Variants in SGCZ observed in about 807,000 individuals in gnomAD.
SGCZ encodes the protein zeta-sarcoglycan.
Under a neutral mutation model 41.3 loss-of-function variants are expected in SGCZ, and 40 were observed. The observed-to-expected ratio is 0.97, with a 90% CI of 0.75 to 1.26. SGCZ has a LOEUF of 1.26. SGCZ is among the 50% of genes most tolerant of loss of function. SGCZ has a pLI of 0.00. For missense variants in SGCZ, 552 were observed against 369.8 expected (o/e 1.49, Z -4.04); for synonymous variants, 206 against 137.5 (o/e 1.50, Z -3.49).
intron 5 of SGCZ, among the ~76,000 whole-genome samples, chr8:14,112,705 G>A (rs567943308): frequency 6.6e-6 from 1 of 151,762 alleles, no homozygotes; most frequent in South Asian, 2.1e-4. Context: ...AAAGCCCTTT[G>A]GTTTTTATTT....
intron 7 of SGCZ, among the ~76,000 whole-genome samples, chr8:14,102,096 ATATATATAATT>A (rs1802044492): frequency 1.9e-5 from 2 of 107,256 alleles, no homozygotes; most frequent in Non-Finnish European, 3.6e-5. Flanking sequence ...ATATATATAT[ATATATATAATT>A]TTTTTTTTTT....
chr8:14,233,311 A>C (rs972380736), intron 4 of SGCZ, among the ~76,000 whole-genome samples: 4 of 151,902 alleles, frequency 2.6e-5, no homozygotes, highest in Non-Finnish European at 5.9e-5. Flanking sequence ...AATAACAGCC[A>C]TGCTGGCTAA....
At chr8:15,197,453 A>G (rs1299117933) in intron 1 of SGCZ, among the ~76,000 whole-genome samples, 1 of 152,214 alleles carries the variant, frequency 6.6e-6, no homozygotes, top group Non-Finnish European at 1.5e-5. Flanking sequence ...TCAAAGCATA[A>G]TATCATGAAA....
At chr8:14,690,562 A>T (rs1363631043) in intron 1 of SGCZ, 2 of 152,200 alleles carry the variant, frequency 1.3e-5, no homozygotes. Flanking sequence ...ACCAAGAATG[A>T]CACCATGAAA....
chr8:15,107,568 G>T (rs967261735), intron 1 of SGCZ, among the ~76,000 whole-genome samples: 3 of 152,174 alleles, frequency 2.0e-5, no homozygotes, highest in African/African-American at 7.2e-5. Context: ...ATCAGCATGA[G>T]GCCCTCACCA....
chr8:15,197,283 T>A (rs1403042840), intron 1 of SGCZ, among the ~76,000 whole-genome samples: 3 of 152,198 alleles, frequency 2.0e-5, no homozygotes, highest in East Asian at 1.9e-4. Context: ...TTTAAATTAG[T>A]GTCGACATTA....
chr8:14,983,511 T>C (rs1390950707), intron 1 of SGCZ, among the ~76,000 whole-genome samples: 1 of 151,800 alleles, frequency 6.6e-6, no homozygotes, highest in Non-Finnish European at 1.5e-5. Context: ...TCCAGAGTAG[T>C]ATTTCTTAAT....
intron 1 of SGCZ, among the ~76,000 whole-genome samples, chr8:14,826,752 A>G (rs1319556702): frequency 6.6e-6 from 1 of 152,128 alleles, no homozygotes; most frequent in Non-Finnish European, 1.5e-5. Flanking sequence ...GTGTCTGTTT[A>G]TATCCTTTGC....
chr8:15,142,394 T>C (rs1798914361), intron 1 of SGCZ, among the ~76,000 whole-genome samples: 1 of 152,174 alleles, frequency 6.6e-6, no homozygotes, highest in Non-Finnish European at 1.5e-5. Flanking sequence ...ATATATTTGA[T>C]GTATTTTGAG....
intron 1 of SGCZ, among the ~76,000 whole-genome samples, chr8:14,986,017 A>C (rs1269354147): frequency 1.3e-5 from 2 of 152,154 alleles, no homozygotes; most frequent in African/African-American, 4.8e-5. Context: ...AGCAATATGT[A>C]CAAGTATGGA....
At chr8:14,529,318 C>T (rs1585051895) in intron 2 of SGCZ, among the ~76,000 whole-genome samples, 1 of 152,132 alleles carries the variant, frequency 6.6e-6, no homozygotes, top group South Asian at 2.1e-4. Flanking sequence ...TGCTTGACTC[C>T]TTCTACTTAT....
At chr8:14,902,987 G>A (rs1355743951) in intron 1 of SGCZ, among the ~76,000 whole-genome samples, 1 of 152,142 alleles carries the variant, frequency 6.6e-6, no homozygotes, top group Non-Finnish European at 1.5e-5. Context: ...CTGGAAATAT[G>A]TTTAAAGTAT....
chr8:15,020,225 A>G (rs1803199483), intron 1 of SGCZ, among the ~76,000 whole-genome samples: 1 of 152,170 alleles, frequency 6.6e-6, no homozygotes, highest in African/African-American at 2.4e-5. Flanking sequence ...ATCAGTCATC[A>G]GCAATTTAAG....
chr8:14,933,243 G>A (rs771650287), intron 1 of SGCZ, among the ~76,000 whole-genome samples: 12 of 151,460 alleles, frequency 7.9e-5, no homozygotes, highest in Non-Finnish European at 1.6e-4. Flanking sequence ...AATAAGAGCT[G>A]GAAAAAAAGA....
chr8:14,890,460 C>T (rs565216308), intron 1 of SGCZ, among the ~76,000 whole-genome samples: 1 of 152,180 alleles, frequency 6.6e-6, no homozygotes, highest in Non-Finnish European at 1.5e-5. Context: ...AAAGCCTATT[C>T]AAGTGCAAAG....
At chr8:14,330,679 C>T (rs1287836555) in intron 2 of SGCZ, among the ~76,000 whole-genome samples, 1 of 152,018 alleles carries the variant, frequency 6.6e-6, no homozygotes, top group East Asian at 1.9e-4. Flanking sequence ...GCAATGATCT[C>T]ATGGTAATTC....
intron 6 of SGCZ, among the ~76,000 whole-genome samples, chr8:14,103,308 T>G (rs1013323224): frequency 6.6e-6 from 1 of 152,088 alleles, no homozygotes. Context: ...GGAACTAGAA[T>G]ACAGTGGTAA....
chr8:14,642,670 A>T (rs1192611844), intron 1 of SGCZ, among the ~76,000 whole-genome samples: 1 of 151,586 alleles, frequency 6.6e-6, no homozygotes, highest in East Asian at 1.9e-4. Context: ...TTTATTTAAA[A>T]ATCAACATAT....
At chr8:14,608,659 G>C (rs1021315917) in intron 1 of SGCZ, among the ~76,000 whole-genome samples, 2 of 144,370 alleles carry the variant, frequency 1.4e-5, no homozygotes, top group Non-Finnish European at 3.1e-5. Flanking sequence ...TTGGTGGGCT[G>C]GTGGAAGCTG....
Sources: gnomAD v4.1 joint callset for allele counts (sites outside exome capture counted in the v4.1 genomes callset) on GRCh38, gnomAD v4.1.1 for gene constraint, MANE v1.5 for transcripts, NCBI Gene and HGNC (gene_info 2026-07-23, HGNC 2026-07-21) for gene names.